ATXN7L1: variants seen among roughly 807,000 people sequenced by gnomAD.
ATXN7L1 encodes the protein ataxin-7-like protein 1.
In ATXN7L1, 15 loss-of-function variants were observed where a neutral mutation model predicts 70.8. The ratio of observed to expected loss-of-function variants is 0.21; its 90% CI spans 0.14 to 0.33. ATXN7L1 has a LOEUF of 0.33. Among genes scored for constraint, ATXN7L1 ranks in the 10% least tolerant of loss-of-function variants. The pLI, the probability that ATXN7L1 is intolerant of heterozygous loss-of-function variation, is 1.00. For synonymous variants in ATXN7L1, 440 were observed against 445.1 expected (o/e 0.99, Z 0.14); for missense variants, 975 against 1,097.1 (o/e 0.89, Z 1.57).
At chr7:105,827,389 T>A (rs1192982557) in intron 2 of ATXN7L1, among the ~76,000 whole-genome samples, 1 of 152,262 alleles carries the variant, frequency 6.6e-6, no homozygotes, top group Non-Finnish European at 1.5e-5. Flanking sequence ...CTCTTTTATG[T>A]CTTTAGGAGA....
chr7:105,774,834 A>G (rs1802506650), intron 3 of ATXN7L1, among the ~76,000 whole-genome samples: 1 of 152,186 alleles, frequency 6.6e-6, no homozygotes, highest in South Asian at 2.1e-4. Flanking sequence ...ATGTAAACTA[A>G]GCCATTGTTA....
chr7:105,682,281 C>T (rs1395721414), intron 3 of ATXN7L1, among the ~76,000 whole-genome samples: 1 of 152,072 alleles, frequency 6.6e-6, no homozygotes, highest in East Asian at 1.9e-4. Context: ...GGTTGCATAA[C>T]AATGTGAATA....
intron 9 of ATXN7L1, chr7:105,617,809 CTG>C (rs1367910194): frequency 2.6e-6 from 1 of 386,820 alleles, no homozygotes; most frequent in Non-Finnish European, 5.2e-6. Flanking sequence ...AAAGAGAATA[CTG>C]TGTTGGCGGC....
At chr7:105,706,466 G>T (rs1793181179) in intron 3 of ATXN7L1, among the ~76,000 whole-genome samples, 1 of 152,042 alleles carries the variant, frequency 6.6e-6, no homozygotes, top group Non-Finnish European at 1.5e-5. Flanking sequence ...AAAGTGCTGG[G>T]ATTACATAGT....
At chr7:105,740,251 C>T (rs1236977405) in intron 3 of ATXN7L1, among the ~76,000 whole-genome samples, 1 of 152,162 alleles carries the variant, frequency 6.6e-6, no homozygotes, top group Non-Finnish European at 1.5e-5. Flanking sequence ...CCATAAGGAA[C>T]CCAAGGGGCA....
At chr7:105,687,220 G>A (rs1331161111) in intron 3 of ATXN7L1, among the ~76,000 whole-genome samples, 1 of 152,228 alleles carries the variant, frequency 6.6e-6, no homozygotes, top group African/African-American at 2.4e-5. Flanking sequence ...ACTCACAGAT[G>A]AATCTGTACC....
chr7:105,781,835 T>A (rs940032173), intron 3 of ATXN7L1, among the ~76,000 whole-genome samples: 4 of 152,116 alleles, frequency 2.6e-5, no homozygotes, highest in African/African-American at 9.7e-5. Flanking sequence ...AGCTGGAATT[T>A]TTTTTATTTT....
At chr7:105,777,814 AG>A (rs1802954506) in intron 3 of ATXN7L1, among the ~76,000 whole-genome samples, 1 of 152,190 alleles carries the variant, frequency 6.6e-6, no homozygotes, top group Admixed American at 6.5e-5. Flanking sequence ...CCACACGTAG[AG>A]TAAAACCCAA....
At chr7:105,672,877 T>C (rs1166314757) in intron 3 of ATXN7L1, among the ~76,000 whole-genome samples, 7 of 152,100 alleles carry the variant, frequency 4.6e-5, no homozygotes, top group Non-Finnish European at 8.8e-5. Context: ...TCACAAAGAG[T>C]TGGGGGGCCC....
At chr7:105,804,694 C>T (rs1024767756) in intron 2 of ATXN7L1, among the ~76,000 whole-genome samples, 3 of 152,192 alleles carry the variant, frequency 2.0e-5, no homozygotes, top group African/African-American at 4.8e-5. Context: ...ATTTACTCCA[C>T]GTTAGGTACT....
rs1207105735 is a variant in ATXN7L1, at chr7:105,607,062, T to C, written c.*790A>G. 6.6e-6 allele frequency: 1 copy of C among 152,468 alleles called. No homozygotes were observed. Among genetic ancestry groups the C allele is most frequent in the Non-Finnish European group, 1.5e-5 (1 of 68,336 alleles). The allele number at this position is 152,468 out of a possible 1,614,324, so 9.4% of individuals were successfully genotyped here. ...CAGACCACCACAGTCTCCAGTTTTT[T>C]TAGGGATCATCTCCTACCCACCATG... On this transcript the variant is annotated 3_prime_UTR_variant, in exon 12 of 12. Coordinates refer to ENST00000419735, the MANE Select transcript of ATXN7L1 (RefSeq NM_020725.2).
intron 2 of ATXN7L1, among the ~76,000 whole-genome samples, chr7:105,843,634 G>A (rs1813548686): frequency 6.6e-6 from 1 of 152,228 alleles, no homozygotes. Context: ...CGGGCCACTG[G>A]CCACCACTGT....
intron 4 of ATXN7L1, among the ~76,000 whole-genome samples, chr7:105,662,863 T>C (rs1255640567): frequency 6.6e-6 from 1 of 152,194 alleles, no homozygotes; most frequent in East Asian, 1.9e-4. Context: ...CATGACGTTA[T>C]GCTAAATTAT....
At chr7:105,713,098 G>C (rs532462886) in intron 3 of ATXN7L1, among the ~76,000 whole-genome samples, 1 of 152,220 alleles carries the variant, frequency 6.6e-6, no homozygotes, top group African/African-American at 2.4e-5. Context: ...CAGAGCAGGA[G>C]AGAGAGTGAT....
In ATXN7L1 at chr7:105,661,912, G is replaced by T. The variant is rs1383328275; in HGVS notation, c.578+3154C>A. ...CCCGTGCCTTTCTCTTCTTCCCACA[G>T]GTGAACATTCGAGTCTTTTCACTAC... On this transcript the variant is annotated intron_variant, in intron 4 of 11. Coordinates refer to ENST00000419735, the MANE Select transcript of ATXN7L1 (RefSeq NM_020725.2). Among the ~76,000 whole-genome samples, 4 of 152,192 alleles carry T rather than the reference G, an allele frequency of 2.6e-5. No homozygotes were observed. In the South Asian group the frequency reaches 8.3e-4, roughly 32 times the overall value.
chr7:105,801,429 C>A (rs1806800144), intron 2 of ATXN7L1, among the ~76,000 whole-genome samples: 1 of 152,184 alleles, frequency 6.6e-6, no homozygotes, highest in South Asian at 2.1e-4. Context: ...GAGCAGAATG[C>A]TTTTTAAGCA....
chr7:105,639,035 G>T (rs1325305048), intron 6 of ATXN7L1, among the ~76,000 whole-genome samples: 1 of 152,128 alleles, frequency 6.6e-6, no homozygotes, highest in Non-Finnish European at 1.5e-5. Flanking sequence ...AGGGCTTTGG[G>T]CGACCCAATG....
intron 3 of ATXN7L1, among the ~76,000 whole-genome samples, chr7:105,761,662 T>A (rs1800569427): frequency 6.6e-6 from 1 of 152,196 alleles, no homozygotes; most frequent in African/African-American, 2.4e-5. Flanking sequence ...TCTAAACTCT[T>A]TTCCATATTT....
intron 2 of ATXN7L1, among the ~76,000 whole-genome samples, chr7:105,824,034 C>T (rs1009918188): frequency 1.3e-5 from 2 of 152,130 alleles, no homozygotes; most frequent in Admixed American, 6.6e-5. Flanking sequence ...GCAGGCTAAA[C>T]AGAGTGGATG....
Sources: allele counts gnomAD v4.1 joint callset (sites outside exome capture counted in the v4.1 genomes callset), GRCh38; gene constraint gnomAD v4.1.1; transcripts MANE v1.5; gene names NCBI Gene and HGNC (gene_info 2026-07-23, HGNC 2026-07-21).